Variants in LRRC4C observed in about 807,000 individuals in gnomAD.
The protein encoded by LRRC4C is leucine-rich repeat-containing protein 4C.
LRRC4C carries 5 observed loss-of-function variants against 33.6 expected under a neutral mutation model. The observed-to-expected ratio is 0.15, with a 90% confidence interval of 0.08 to 0.31. The LOEUF is 0.31. Among genes scored for constraint, LRRC4C ranks in the 10% least tolerant of loss-of-function variants. The pLI is 1.00. For missense variants in LRRC4C, 560 were observed against 796.7 expected (o/e 0.70, Z 3.58); for synonymous variants, 329 against 302.0 (o/e 1.09, Z -0.93).
chr11:40,328,930 C>A (rs192479441), intron 3 of LRRC4C, among the ~76,000 whole-genome samples: 26 of 152,310 alleles, frequency 1.7e-4, no homozygotes, highest in Admixed American at 1.1e-3. Flanking sequence ...TAAATAGCTT[C>A]TTTTCAAAGA....
At chr11:40,885,173 T>C (rs1353188314) in intron 2 of LRRC4C, among the ~76,000 whole-genome samples, 1 of 152,142 alleles carries the variant, frequency 6.6e-6, no homozygotes, top group Non-Finnish European at 1.5e-5. Context: ...ATAAATTTAT[T>C]GCTAGTCATT....
At chr11:40,410,880 C>T (rs1950133314) in intron 3 of LRRC4C, among the ~76,000 whole-genome samples, 1 of 152,132 alleles carries the variant, frequency 6.6e-6, no homozygotes, top group South Asian at 2.1e-4. Context: ...TTGGCAGTCA[C>T]ATCTAACCAT....
intron 1 of LRRC4C, among the ~76,000 whole-genome samples, chr11:41,015,947 G>T (rs1318550379): frequency 6.6e-6 from 1 of 152,024 alleles, no homozygotes; most frequent in East Asian, 1.9e-4. Flanking sequence ...CCGAGATCGC[G>T]CCACTGCACT....
At chr11:40,484,521 A>G (rs2138437493) in intron 3 of LRRC4C, among the ~76,000 whole-genome samples, 1 of 152,226 alleles carries the variant, frequency 6.6e-6, no homozygotes, top group African/African-American at 2.4e-5. Context: ...TTAGGTAGGA[A>G]AAATTACAGA....
chr11:41,392,035 G>A (rs964469858), intron 1 of LRRC4C, among the ~76,000 whole-genome samples: 1 of 151,852 alleles, frequency 6.6e-6, no homozygotes, highest in Non-Finnish European at 1.5e-5. Context: ...TTCAAATTAG[G>A]TAGTCAGAAT....
chr11:40,893,230 A>AGTGTGG (rs1221177857), intron 2 of LRRC4C, among the ~76,000 whole-genome samples: 3 of 152,098 alleles, frequency 2.0e-5, no homozygotes, highest in Non-Finnish European at 4.4e-5. Flanking sequence ...TGGTAAGGCA[A>AGTGTGG]GTGTGGGTGT....
chr11:40,869,297 T>C (rs1056961720), intron 2 of LRRC4C, among the ~76,000 whole-genome samples: 61 of 152,244 alleles, frequency 4.0e-4, no homozygotes, highest in African/African-American at 1.5e-3. Context: ...AGTATTATTA[T>C]TGAAGACCTA....
At position 40,906,246 on chromosome 11, in the gene LRRC4C, C is replaced by T. The variant is rs369077985; in HGVS notation, c.-407+27389G>A. Reference sequence around the variant, plus strand: ...ACAGTATAGGCCAGGAGCAGTGGCTCACGCCTGTGCTCCCTGCGCTTTGGG... The same window carrying T: ...ACAGTATAGGCCAGGAGCAGTGGCTTACGCCTGTGCTCCCTGCGCTTTGGG... On this transcript the variant is annotated intron_variant, in intron 2 of 6. Transcript: ENST00000528697. Among the ~76,000 whole-genome samples, 31 of 152,354 alleles carry T rather than the reference C, an allele frequency of 2.0e-4. No individual in the cohort carries two copies. The East Asian group carries it at 5.4e-3, about 27-fold the overall frequency.
At chr11:41,423,178 G>C (rs796783841) in intron 1 of LRRC4C, among the ~76,000 whole-genome samples, 24 of 152,110 alleles carry the variant, frequency 1.6e-4, no homozygotes, top group African/African-American at 5.8e-4. Flanking sequence ...AGATTTAACA[G>C]GGTTGGTGGA....
chr11:41,346,780 G>A (rs750002780), intron 1 of LRRC4C, among the ~76,000 whole-genome samples: 10 of 152,166 alleles, frequency 6.6e-5, no homozygotes, highest in Non-Finnish European at 1.3e-4. Flanking sequence ...TTGGCTGGAT[G>A]TGGTACTCTT....
chr11:40,493,771 T>A (rs11035872), intron 3 of LRRC4C, among the ~76,000 whole-genome samples: 19,356 of 151,936 alleles, frequency 0.13, 1,398 homozygotes, highest in African/African-American at 0.18. Flanking sequence ...CCAACTAAGG[T>A]TATTAAGTGC....
intron 3 of LRRC4C, among the ~76,000 whole-genome samples, chr11:40,453,298 C>T (rs1186315200): frequency 6.6e-6 from 1 of 151,882 alleles, no homozygotes; most frequent in Non-Finnish European, 1.5e-5. Flanking sequence ...GTTATTTTTA[C>T]TTCAGTGCTT....
intron 3 of LRRC4C, among the ~76,000 whole-genome samples, chr11:40,365,954 C>A (rs1370010455): frequency 1.3e-5 from 2 of 151,926 alleles, no homozygotes; most frequent in African/African-American, 2.4e-5. Flanking sequence ...CAGTTCAGTT[C>A]AACAAATATT....
At chr11:40,645,661 A>G (rs1942405703) in intron 3 of LRRC4C, among the ~76,000 whole-genome samples, 1 of 152,178 alleles carries the variant, frequency 6.6e-6, no homozygotes, top group South Asian at 2.1e-4. Flanking sequence ...CTGGTACCCC[A>G]TCCTCAGAAA....
intron 3 of LRRC4C, among the ~76,000 whole-genome samples, chr11:40,514,102 T>C (rs1044514375): frequency 6.6e-6 from 1 of 152,212 alleles, no homozygotes; most frequent in Non-Finnish European, 1.5e-5. Flanking sequence ...TCAATTTACC[T>C]ATTCCAGCAA....
At chr11:41,444,519 A>G (rs571206650) in intron 1 of LRRC4C, among the ~76,000 whole-genome samples, 1 of 152,288 alleles carries the variant, frequency 6.6e-6, no homozygotes, top group South Asian at 2.1e-4. Flanking sequence ...AGGGACGACT[A>G]TTAGCTTGTA....
At chr11:40,392,502 A>G (rs983194874) in intron 3 of LRRC4C, among the ~76,000 whole-genome samples, 14 of 152,220 alleles carry the variant, frequency 9.2e-5, no homozygotes, top group African/African-American at 3.4e-4. Flanking sequence ...AATGTCTATT[A>G]ATTTTTTAAA....
intron 1 of LRRC4C, among the ~76,000 whole-genome samples, chr11:41,130,814 A>G (rs1731333923): frequency 6.6e-6 from 1 of 151,976 alleles, no homozygotes; most frequent in African/African-American, 2.4e-5. Context: ...ATACTTCTAT[A>G]TTTACAAATT....
At chr11:41,240,179 A>G (rs1353600884) in intron 1 of LRRC4C, among the ~76,000 whole-genome samples, 1 of 152,180 alleles carries the variant, frequency 6.6e-6, no homozygotes, top group Non-Finnish European at 1.5e-5. Context: ...AAAACTTTAG[A>G]TTTTTTGTGT....
Sources: gnomAD v4.1 joint callset for allele counts (sites outside exome capture counted in the v4.1 genomes callset) on GRCh38, gnomAD v4.1.1 for gene constraint, MANE v1.5 for transcripts, NCBI Gene and HGNC (gene_info 2026-07-23, HGNC 2026-07-21) for gene names.